Variants in KMT5B observed in about 807,000 individuals in gnomAD.
KMT5B encodes histone-lysine N-methyltransferase KMT5B.
A neutral mutation model predicts 83.2 loss-of-function variants in KMT5B; 10 were observed. The ratio of observed to expected loss-of-function variants is 0.12; its 90% CI spans 0.07 to 0.20. The LOEUF (loss-of-function observed/expected upper bound fraction) is 0.20, where lower values mean the gene tolerates loss of function less well. Among genes scored for constraint, KMT5B ranks in the 10% least tolerant of loss-of-function variants. The pLI, the probability that KMT5B is intolerant of heterozygous loss-of-function variation, is 1.00. For missense variants in KMT5B, 753 were observed against 1,067.2 expected, an observed-to-expected ratio of 0.71 and a Z score of 4.10; for synonymous variants, 349 against 388.8, an observed-to-expected ratio of 0.90 and a Z score of 1.20.
intron 3 of KMT5B, 152 bp downstream of exon 3, chr11:68,185,629 G>T: frequency 3.1e-6 from 2 of 654,422 alleles, no homozygotes; most frequent in Non-Finnish European, 4.9e-6. Context: ...TCTTTTCTCT[G>T]CTTCTCTTGG....
chr11:68,180,710 C>T (rs948410563), intron 3 of KMT5B, among the ~76,000 whole-genome samples: 1 of 152,134 alleles, frequency 6.6e-6, no homozygotes, highest in Non-Finnish European at 1.5e-5. Context: ...GTCGCCTTCG[C>T]GCCTCAGGAT....
In KMT5B at chr11:68,186,043, C is replaced by T. The variant is rs973911687; in HGVS notation, c.161-115G>A. On this transcript the variant is annotated intron_variant, in intron 2 of 10. Transcript: ENST00000304363. ...GGTAATAAAGAACTGAAAAATCAAT[C>T]ATTTTAGTAATTAAGAATTTAATAA... 6 of 910,682 alleles carry T rather than the reference C, an allele frequency of 6.6e-6. No homozygotes were observed. The East Asian group carries it at 1.3e-4, about 20-fold the overall frequency. 56.4% of individuals were successfully genotyped at this position (910,682 alleles called of 1,614,324 possible).
intron 9 of KMT5B, 140 bp downstream of exon 9, chr11:68,170,875 C>T (rs939698265): frequency 8.3e-6 from 7 of 843,530 alleles, no homozygotes; most frequent in Middle Eastern, 3.3e-4. Context: ...TTTGTTCATA[C>T]ACACTGCACC....
chr11:68,162,821 T>A (rs947759084), intron 10 of KMT5B, among the ~76,000 whole-genome samples: 4 of 152,018 alleles, frequency 2.6e-5, no homozygotes, highest in Non-Finnish European at 5.9e-5. Context: ...AAGCATTATC[T>A]CATCAAAAGC....
intron 9 of KMT5B, among the ~76,000 whole-genome samples, chr11:68,168,926 A>T (rs1301841414): frequency 6.6e-6 from 1 of 152,212 alleles, no homozygotes; most frequent in Non-Finnish European, 1.5e-5. Flanking sequence ...AACATTAAGT[A>T]ACTGTTCAGT....
chr11:68,182,735 A>ATTT (rs1013344475), intron 3 of KMT5B, among the ~76,000 whole-genome samples: 4 of 139,190 alleles, frequency 2.9e-5, no homozygotes, highest in Non-Finnish European at 4.7e-5. Context: ...TTTCATTGTA[A>ATTT]TTTTTTTTTT....
chr11:68,206,620 A>G (rs1860148562), intron 1 of KMT5B, among the ~76,000 whole-genome samples: 1 of 152,208 alleles, frequency 6.6e-6, no homozygotes, highest in African/African-American at 2.4e-5. Context: ...CACCAGTACA[A>G]TGAAAAGAAG....
chr11:68,199,827 G>A (rs183702805), intron 1 of KMT5B, among the ~76,000 whole-genome samples: 12 of 152,296 alleles, frequency 7.9e-5, no homozygotes, highest in East Asian at 7.7e-4. Flanking sequence ...TGAAGGTTCC[G>A]CTGATAGTCG....
At chr11:68,168,048 C>T (rs1337194413) in intron 9 of KMT5B, among the ~76,000 whole-genome samples, 2 of 152,014 alleles carry the variant, frequency 1.3e-5, no homozygotes, top group East Asian at 1.9e-4. Context: ...TGATGGCAGG[C>T]GCCTGTAGTC....
At chr11:68,190,610 T>C (rs561853027) in intron 1 of KMT5B, among the ~76,000 whole-genome samples, 39 of 152,320 alleles carry the variant, frequency 2.6e-4, no homozygotes, top group African/African-American at 8.7e-4. Flanking sequence ...CTGAAGCTAA[T>C]GTTTGTGACC....
At position 68,156,605 on chromosome 11, in the gene KMT5B, G is replaced by T. The variant is rs1317966159; in HGVS notation, c.*1083C>A. 4 of 152,424 alleles carry T rather than the reference G, an allele frequency of 2.6e-5. No homozygotes were observed. The highest frequency in any genetic ancestry group is 1.3e-4 in the Admixed American group (2 of 15,274). The allele number at this position is 152,424 out of a possible 1,614,324, so 9.4% of individuals were successfully genotyped here. On this transcript the variant is annotated 3_prime_UTR_variant, in exon 11 of 11. Coordinates refer to ENST00000304363, the MANE Select transcript of KMT5B (RefSeq NM_017635.5). ...ATTTCTAAACTTAAAAACCTTCCTG[G>T]TAAGTTCTTTTAATTTCTTATGACA...
At chr11:68,159,735 G>A (rs547979367) in intron 10 of KMT5B, among the ~76,000 whole-genome samples, 1 of 152,314 alleles carries the variant, frequency 6.6e-6, no homozygotes, top group African/African-American at 2.4e-5. Context: ...TTATCACTCT[G>A]AAAAGTACAG....
At chr11:68,178,782 A>G (rs1489405906) in intron 4 of KMT5B, among the ~76,000 whole-genome samples, 5 of 152,236 alleles carry the variant, frequency 3.3e-5, no homozygotes, top group Non-Finnish European at 7.3e-5. Context: ...GGGCTGGTGC[A>G]AATGCACTGA....
At chr11:68,170,835 A>G (rs7945995) in intron 9 of KMT5B, among the ~76,000 whole-genome samples, 180 bp downstream of exon 9, 99,220 of 152,012 alleles carry the variant, frequency 0.65, 32,864 homozygotes, top group East Asian at 0.89. Flanking sequence ...GGACATTCCA[A>G]TGTCCCTAAA....
chr11:68,196,439 T>C (rs558323182), intron 1 of KMT5B, among the ~76,000 whole-genome samples: 2 of 149,560 alleles, frequency 1.3e-5, no homozygotes, highest in Non-Finnish European at 3.0e-5. Flanking sequence ...AGAATCTATT[T>C]TTCTTATCTC....
At chr11:68,179,159 C>T (rs1488882532) in intron 4 of KMT5B, among the ~76,000 whole-genome samples, 1 of 131,186 alleles carries the variant, frequency 7.6e-6, no homozygotes, top group Admixed American at 9.5e-5. Context: ...CCAGAGACAG[C>T]TCTAGCTTGT....
chr11:68,158,788 T>C lies in KMT5B; in HGVS notation c.1558A>G (p.Asn520Asp), dbSNP rs780554987. ...TGCGAATGAGCACCTCTCACAGGAT[T>C]CTGTCTGTGTTCTCTCGCCGCGTGT... is the stretch of plus-strand genomic sequence containing the variant. ...TRHAAREHRQ[N>D]PVRGAHSQGE... The change falls in exon 11 of 11, where the codon AAT becomes GAT. Residue 520 changes from asparagine (N) to aspartate (D), a missense_variant. By Grantham distance (23) the Asn-to-Asp change is conservative. Transcript: ENST00000304363. The C allele has an allele frequency of 5.0e-6, 8 of 1,614,136 alleles. No individual in the cohort carries two copies. Among genetic ancestry groups the C allele is most frequent in the Non-Finnish European group, 8.5e-7 (1 of 1,180,028 alleles).
rs370542295 is a variant in KMT5B, at chr11:68,168,556, G to A, written c.978-1378C>T. On this transcript the variant is annotated intron_variant, in intron 9 of 10. Coordinates refer to ENST00000304363, the MANE Select transcript of KMT5B (RefSeq NM_017635.5). ...TTGCCATGTTGGCCAGGCTGGTCTCGAACTCCTGACCTCAGGTGATCCACC... is the reference window on the plus strand; with the variant it reads ...TTGCCATGTTGGCCAGGCTGGTCTCAAACTCCTGACCTCAGGTGATCCACC... Among the ~76,000 whole-genome samples, 206 of 152,130 alleles carry A rather than the reference G, an allele frequency of 1.4e-3. No homozygotes were observed. The East Asian group carries it at 0.019, about 14-fold the overall frequency.
chr11:68,170,899 A>C, intron 9 of KMT5B, 116 bp downstream of exon 9: 1 of 1,153,076 alleles, frequency 8.7e-7, no homozygotes, highest in Non-Finnish European at 1.2e-6. Flanking sequence ...CGCTATGCTA[A>C]AGAACATAAA....
Sources: allele counts gnomAD v4.1 joint callset (sites outside exome capture counted in the v4.1 genomes callset), GRCh38; gene constraint gnomAD v4.1.1; transcripts MANE v1.5; gene names NCBI Gene and HGNC (gene_info 2026-07-23, HGNC 2026-07-21).